GLIS3: variants seen among roughly 807,000 people sequenced by gnomAD.
The protein encoded by GLIS3 is zinc finger protein GLIS3.
GLIS3 carries 53 observed loss-of-function variants against 78.6 expected under a neutral mutation model. That is an observed-to-expected ratio of 0.67 (90% CI 0.54 to 0.85). The LOEUF is 0.85. GLIS3 is among the 40% of genes least tolerant of loss of function. GLIS3 has a pLI of 0.00. For synonymous variants in GLIS3, 684 were observed against 509.9 expected (o/e 1.34, Z -4.60); for missense variants, 1,703 against 1,231.1 (o/e 1.38, Z -5.74).
chr9:4,086,274 C>G (rs995483715), intron 4 of GLIS3, among the ~76,000 whole-genome samples: 5 of 152,204 alleles, frequency 3.3e-5, no homozygotes, highest in African/African-American at 4.8e-5. Context: ...ACTGAAGAAT[C>G]ATGACCTCTA....
the GLIS3 span, among the ~76,000 whole-genome samples, chr9:4,384,693 G>A: frequency 6.6e-6 from 1 of 151,934 alleles, no homozygotes; most frequent in Non-Finnish European, 1.5e-5. Flanking sequence ...GCTTATTCAA[G>A]GGCTAGGTAA....
At chr9:4,441,286 G>C in the GLIS3 span, among the ~76,000 whole-genome samples, 3 of 151,938 alleles carry the variant, frequency 2.0e-5, no homozygotes, top group Non-Finnish European at 1.5e-5. Context: ...GTTAGTTGTG[G>C]GTCTGTCATA....
chr9:4,120,374 C>T (rs963918798), intron 3 of GLIS3, among the ~76,000 whole-genome samples: 5 of 152,366 alleles, frequency 3.3e-5, no homozygotes, highest in Admixed American at 2.0e-4. Flanking sequence ...GAATTTACAT[C>T]CAGTTGCCCT....
chr9:4,206,144 C>G (rs1029317420), intron 2 of GLIS3, among the ~76,000 whole-genome samples: 6 of 152,060 alleles, frequency 3.9e-5, no homozygotes, highest in African/African-American at 1.2e-4. Context: ...TTTCTGGTCA[C>G]TAGATCTAAG....
At chr9:3,837,674 C>T (rs754290715) in intron 9 of GLIS3, among the ~76,000 whole-genome samples, 10 of 152,112 alleles carry the variant, frequency 6.6e-5, no homozygotes, top group South Asian at 2.1e-4. Flanking sequence ...GAAGCCAATC[C>T]GAAAAGGCTA....
intron 2 of GLIS3, among the ~76,000 whole-genome samples, chr9:4,199,121 A>G (rs886148768): frequency 1.3e-5 from 2 of 152,220 alleles, no homozygotes; most frequent in East Asian, 3.8e-4. Flanking sequence ...ACTTAAGCAG[A>G]TAGCCCACAA....
chr9:4,481,387 C>A, the GLIS3 span, among the ~76,000 whole-genome samples: 5 of 151,990 alleles, frequency 3.3e-5, no homozygotes, highest in African/African-American at 9.7e-5. Context: ...AGGAGGCTGA[C>A]TCAGGGGAAT....
At chr9:4,284,709 G>A (rs985198403) in intron 2 of GLIS3, among the ~76,000 whole-genome samples, 4 of 150,932 alleles carry the variant, frequency 2.7e-5, no homozygotes, top group Non-Finnish European at 5.9e-5. Flanking sequence ...TCAGGAGTTG[G>A]AGACCAGCCT....
At chr9:3,883,929 C>T (rs1248240977) in intron 7 of GLIS3, among the ~76,000 whole-genome samples, 1 of 152,218 alleles carries the variant, frequency 6.6e-6, no homozygotes, top group East Asian at 1.9e-4. Flanking sequence ...CAGCTACTGG[C>T]CTCCCTGCTG....
chr9:4,286,081 C>T lies in GLIS3; in HGVS notation c.345G>A (p.Lys115=). 2 of 1,613,590 alleles carry T rather than the reference C, an allele frequency of 1.2e-6. No individual in the cohort carries two copies. The highest frequency in any genetic ancestry group is 1.7e-6 in the Non-Finnish European group (2 of 1,179,738). ...GMSGSHTLKP[K]QQEFGSPFPP... ...GAAAAGGGCTTCCAAACTCCTGCTG[C>T]TTTGGCTTTAAAGTATGTGACCCTG... Residue 115 remains lysine, a synonymous_variant, in exon 2 of 11, where the codon AAG becomes AAA. Transcript: ENST00000381971.
intron 2 of GLIS3, among the ~76,000 whole-genome samples, chr9:4,215,285 G>A (rs1196603701): frequency 6.6e-6 from 1 of 152,058 alleles, no homozygotes; most frequent in African/African-American, 2.4e-5. Flanking sequence ...ATTGGCCACA[G>A]TTTTGCCTGT....
Position 4,125,700 on chromosome 9 carries a change from A to C in GLIS3, c.596+34T>G, listed in dbSNP as rs376140245. On this transcript the variant is annotated intron_variant, in intron 3 of 10. Transcript: ENST00000381971. ...AACACTTGTGGGGTGTGTTTATACC[A>C]TAAAGAAAGGGGAAAAAAAAGTTAA... 66 of 1,519,684 alleles carry C rather than the reference A, an allele frequency of 4.3e-5. No individual in the cohort carries two copies. In the Middle Eastern group the frequency reaches 6.8e-4, roughly 16 times the overall value. The allele number at this position is 1,519,684 out of a possible 1,614,324, so 94.1% of individuals were successfully genotyped here.
intron 4 of GLIS3, among the ~76,000 whole-genome samples, chr9:4,115,604 T>C (rs1831578670): frequency 6.6e-6 from 1 of 152,126 alleles, no homozygotes; most frequent in South Asian, 2.1e-4. Flanking sequence ...CAAAATTAAT[T>C]GCTGCCAGTT....
At chr9:3,956,028 C>CAAAAAAAAAAAAAAAAAA (rs5896037) in intron 4 of GLIS3, among the ~76,000 whole-genome samples, 15 of 87,608 alleles carry the variant, frequency 1.7e-4, no homozygotes, top group African/African-American at 3.7e-4. Context: ...CCAGATTCAG[C>CAAAAAAAAAAAAAAAAAA]AAAAAAAAAA....
chr9:4,286,027 G>C lies in GLIS3; in HGVS notation c.388+11C>G, dbSNP rs1347210813. Reference sequence around the variant, plus strand: ...TTCCATTTTTAAAAGGTTCCAGAAAGACAATCCTACCTTTCCCAGGATTTG... The same window carrying C: ...TTCCATTTTTAAAAGGTTCCAGAAACACAATCCTACCTTTCCCAGGATTTG... On this transcript the variant is annotated intron_variant, in intron 2 of 10. Coordinates refer to ENST00000381971, the MANE Select transcript of GLIS3 (RefSeq NM_001042413.2). 1.9e-6 allele frequency: 3 copies of C among 1,613,956 alleles called. No individual in the cohort carries two copies. Among genetic ancestry groups the C allele is most frequent in the African/African-American group, 2.7e-5 (2 of 74,924 alleles).
intron 4 of GLIS3, among the ~76,000 whole-genome samples, chr9:4,014,479 G>C (rs1588455244): frequency 6.6e-6 from 1 of 152,228 alleles, no homozygotes; most frequent in East Asian, 1.9e-4. Context: ...GAAGAGGAGA[G>C]ACACAAAGAC....
chr9:4,066,113 G>T (rs1208783080), intron 4 of GLIS3, among the ~76,000 whole-genome samples: 1 of 149,796 alleles, frequency 6.7e-6, no homozygotes, highest in Non-Finnish European at 1.5e-5. Flanking sequence ...CACATGTCAA[G>T]CCATTTCTAT....
At chr9:4,018,192 G>C (rs1417784544) in intron 4 of GLIS3, among the ~76,000 whole-genome samples, 1 of 152,222 alleles carries the variant, frequency 6.6e-6, no homozygotes, top group African/African-American at 2.4e-5. Flanking sequence ...AAATCAACTT[G>C]ACTGCTTGCT....
chr9:3,914,396 G>T (rs912579387), intron 6 of GLIS3, among the ~76,000 whole-genome samples: 1 of 151,222 alleles, frequency 6.6e-6, no homozygotes, highest in Non-Finnish European at 1.5e-5. Context: ...TGAACTCCTG[G>T]GCTCAAGTGA....
Sources: allele counts gnomAD v4.1 joint callset (sites outside exome capture counted in the v4.1 genomes callset), GRCh38; gene constraint gnomAD v4.1.1; transcripts MANE v1.5; gene names NCBI Gene and HGNC (gene_info 2026-07-23, HGNC 2026-07-21).